TUBB8: variants seen among roughly 807,000 people sequenced by gnomAD.
The protein encoded by TUBB8 is tubulin beta 8 class VIII.
TUBB8 carries 25 observed loss-of-function variants against 33.7 expected under a neutral mutation model. The observed-to-expected ratio is 0.74, with a 90% CI of 0.54 to 1.04. The LOEUF is 1.04. TUBB8 is among the 50% of genes least tolerant of loss of function. TUBB8 has a pLI of 0.00. For synonymous variants in TUBB8, 245 were observed against 240.1 expected, an observed-to-expected ratio of 1.02 and a Z score of -0.19; for missense variants, 279 against 608.0, an observed-to-expected ratio of 0.46 and a Z score of 5.69.
In TUBB8 at chr10:48,584, A is replaced by T. The variant is rs782313650; in HGVS notation, c.277+31T>A. Reference sequence around the variant, plus strand: ...GGATTTTGAGCTGCCCTGGCTAAGGAGCCGCACCCCAGTCCTCGCCCGCAG... The same window carrying T: ...GGATTTTGAGCTGCCCTGGCTAAGGTGCCGCACCCCAGTCCTCGCCCGCAG... On this transcript the variant is annotated intron_variant, in intron 3 of 3. Coordinates refer to ENST00000568584, the MANE Select transcript of TUBB8 (RefSeq NM_177987.3). 34 of 1,579,086 alleles carry T rather than the reference A, an allele frequency of 2.2e-5. No homozygotes were observed. The South Asian group carries it at 3.1e-4, about 14-fold the overall frequency.
At chr10:48,511 AG>A in intron 3 of TUBB8, 103 bp downstream of exon 3, 1 of 1,132,364 alleles carries the variant, frequency 8.8e-7, no homozygotes. Context: ...GAGGGTGTTC[AG>A]GGGCCCTAGC....
upstream of TUBB8, among the ~76,000 whole-genome samples, chr10:52,625 A>C (rs1834483226): frequency 6.6e-6 from 1 of 152,238 alleles, no homozygotes. Context: ...AATGACCATT[A>C]ACCCGTTGAC....
chr10:71,046 T>A (rs1487015728), intron 1 of TUBB8, among the ~76,000 whole-genome samples: 1 of 152,108 alleles, frequency 6.6e-6, no homozygotes, highest in Non-Finnish European at 1.5e-5. Flanking sequence ...GCGTGGTGGC[T>A]CATGCCTGTA....
chr10:66,749 A>C, intron 1 of TUBB8, among the ~76,000 whole-genome samples: 1 of 152,262 alleles, frequency 6.6e-6, no homozygotes, highest in African/African-American at 2.4e-5. Flanking sequence ...AGAGAGGAGT[A>C]TCACTTGAGA....
At chr10:58,187 A>C (rs2130941088) in intron 1 of TUBB8, among the ~76,000 whole-genome samples, 2 of 152,338 alleles carry the variant, frequency 1.3e-5, no homozygotes, top group East Asian at 3.9e-4. Flanking sequence ...CTAATTTTCT[A>C]ATTTTCATCT....
At chr10:57,333 T>C (rs546154257) in intron 1 of TUBB8, among the ~76,000 whole-genome samples, 5 of 152,352 alleles carry the variant, frequency 3.3e-5, no homozygotes, top group Admixed American at 1.3e-4. Flanking sequence ...CTCACAGGTC[T>C]ACTAGGCCAT....
chr10:48,282 C>T (rs1347683051), intron 3 of TUBB8, 168 bp from the exon 4 acceptor site: 9 of 818,524 alleles, frequency 1.1e-5, no homozygotes, highest in Non-Finnish European at 1.8e-5. Flanking sequence ...AGCAGCTTCC[C>T]CTGTTAGGAA....
intron 1 of TUBB8, among the ~76,000 whole-genome samples, chr10:67,934 T>A (rs112358825): frequency 0.11 from 11,997 of 109,752 alleles, no homozygotes; most frequent in African/African-American, 0.23. Context: ...TACAACCAGT[T>A]AACTTTTTAA....
Position 47,858 on chromosome 10 carries a change from G to T in TUBB8, c.534C>A (p.Thr178=), listed in dbSNP as rs372550049. ...GGGTGGCGTTGTAGGGCTCCACCACGGTGTCCGACACCTTGGGCGAGGGCA... is the reference window on the plus strand; with the variant it reads ...GGGTGGCGTTGTAGGGCTCCACCACTGTGTCCGACACCTTGGGCGAGGGCA... ...SILPSPKVSD[T]VVEPYNATLS... The change falls in exon 4 of 4, where the codon ACC becomes ACA. Residue 178 remains threonine (T), a synonymous_variant. Coordinates refer to ENST00000568584, the MANE Select transcript of TUBB8 (RefSeq NM_177987.3). 2 of 1,614,180 alleles carry T rather than the reference G, an allele frequency of 1.2e-6. No individual in the cohort carries two copies. The highest frequency in any genetic ancestry group is 1.7e-6 in the Non-Finnish European group (2 of 1,180,032).
At position 47,388 on chromosome 10, in the gene TUBB8, T is replaced by C. The variant is rs1554738064; in HGVS notation, c.1004A>G (p.Asp335Gly). ...EVDEQMFNIQ[D>G]KNSSYFADWL... The stretch of plus-strand genomic sequence containing the variant: ...GTCAGCAAAGTAACTGCTGTTCTTA[T>C]CTTGAATGTTGAACATTTGTTCATC... Residue 335 changes from aspartate (D) to glycine (G), a missense_variant, in exon 4 of 4, where the codon GAT (aspartate) becomes GGT (glycine). Physicochemically the swap from Asp to Gly is moderately conservative, Grantham distance 94 (BLOSUM62 -1). This residue lies in a region of TUBB8 where 123 missense variants were observed against 228.9 expected (regional missense o/e 0.54). Transcript: ENST00000568584. 2 of 1,612,584 alleles carry C rather than the reference T, an allele frequency of 1.2e-6. No homozygotes were observed. The highest frequency in any genetic ancestry group is 1.7e-6 in the Non-Finnish European group (2 of 1,179,920).
At chr10:68,238 A>G (rs1834696031) in intron 1 of TUBB8, among the ~76,000 whole-genome samples, 1 of 152,224 alleles carries the variant, frequency 6.6e-6, no homozygotes, top group Admixed American at 6.5e-5. Context: ...TGTGAAGCCC[A>G]CAAGATTCAT....
chr10:55,287 A>C (rs1225948809), intron 1 of TUBB8, among the ~76,000 whole-genome samples: 13 of 152,244 alleles, frequency 8.5e-5, no homozygotes, highest in Non-Finnish European at 1.6e-4. Flanking sequence ...AACCAACCCC[A>C]TGATCCAATC....
At chr10:72,022 T>TA (rs1834742933) in intron 1 of TUBB8, among the ~76,000 whole-genome samples, 1 of 152,004 alleles carries the variant, frequency 6.6e-6, no homozygotes, top group Admixed American at 6.6e-5. Context: ...GGTCAGGAAT[T>TA]AGAGATAAGC....
chr10:65,349 A>G (rs1834657325), intron 1 of TUBB8, among the ~76,000 whole-genome samples: 1 of 152,246 alleles, frequency 6.6e-6, no homozygotes, highest in South Asian at 2.1e-4. Context: ...CCCATCCGCA[A>G]TTTAATACTA....
At chr10:51,214 G>A (rs1554739538), upstream of TUBB8, among the ~76,000 whole-genome samples, 2 of 152,088 alleles carry the variant, frequency 1.3e-5, no homozygotes, top group Non-Finnish European at 2.9e-5. Context: ...GGGTTCAAGC[G>A]ATTCCTGTCT....
At chr10:72,902 G>A (rs1554742547) in intron 1 of TUBB8, among the ~76,000 whole-genome samples, 1 of 151,478 alleles carries the variant, frequency 6.6e-6, no homozygotes, top group East Asian at 1.9e-4. Flanking sequence ...GACACCGCAG[G>A]GCCATACGGG....
chr10:48,257 C>A, intron 3 of TUBB8, 143 bp from the exon 4 acceptor site: 2 of 989,146 alleles, frequency 2.0e-6, no homozygotes, highest in Non-Finnish European at 3.1e-6. Flanking sequence ...ACCCCCTCCC[C>A]CAGAGTTACA....
intron 1 of TUBB8, among the ~76,000 whole-genome samples, chr10:59,094 G>T (rs1368355070): frequency 8.5e-5 from 13 of 152,110 alleles, no homozygotes; most frequent in African/African-American, 3.1e-4. Context: ...GTTCAGATAT[G>T]TTCATTCCAT....
At chr10:56,954 C>A (rs4353201) in intron 1 of TUBB8, among the ~76,000 whole-genome samples, 118,561 of 151,658 alleles carry the variant, frequency 0.78, 46,887 homozygotes, top group Middle Eastern at 0.88. Flanking sequence ...AAAATAAAAA[C>A]CAAATTAAGT....
Sources: gnomAD v4.1 joint callset for allele counts (sites outside exome capture counted in the v4.1 genomes callset) on GRCh38, gnomAD v4.1.1 for gene constraint, gnomAD v4.1.1 regional missense constraint, MANE v1.5 for transcripts, NCBI Gene and HGNC (gene_info 2026-07-23, HGNC 2026-07-21) for gene names.